Variants in NALF1 observed in about 807,000 individuals in gnomAD.
NALF1 encodes family with sequence similarity 155 member A.
A neutral mutation model predicts 48.4 loss-of-function variants in NALF1; 3 were observed. That is an observed-to-expected ratio of 0.06 (90% confidence interval 0.03 to 0.16). The LOEUF is 0.16. Ranked by LOEUF, NALF1 falls within the 10% of genes least tolerant of loss-of-function variation. The probability of loss-of-function intolerance (pLI) is 1.00; values close to 1 mark genes in which losing one functional copy is unlikely to be tolerated. For missense variants in NALF1, 526 were observed against 571.5 expected (o/e 0.92, Z 0.81); for synonymous variants, 262 against 245.7 (o/e 1.07, Z -0.62).
At chr13:107,302,164 C>T (rs888837763) in intron 1 of NALF1, among the ~76,000 whole-genome samples, 1 of 152,156 alleles carries the variant, frequency 6.6e-6, no homozygotes, top group Non-Finnish European at 1.5e-5. Context: ...AAGCTCAGCC[C>T]CTGCACCATG....
chr13:107,297,213 C>T (rs1350919946), intron 1 of NALF1, among the ~76,000 whole-genome samples: 1 of 152,014 alleles, frequency 6.6e-6, no homozygotes, highest in Non-Finnish European at 1.5e-5. Context: ...AAATGGTAGG[C>T]TCTGTGGGAA....
intron 1 of NALF1, among the ~76,000 whole-genome samples, chr13:107,485,169 G>A (rs555924645): frequency 1.3e-5 from 2 of 152,284 alleles, no homozygotes; most frequent in South Asian, 4.1e-4. Context: ...CAATGATGAA[G>A]GCTCCAGAGC....
intron 1 of NALF1, among the ~76,000 whole-genome samples, chr13:107,624,884 A>C (rs1480822645): frequency 1.3e-5 from 2 of 152,182 alleles, no homozygotes; most frequent in Admixed American, 6.6e-5. Context: ...AAAATCTTGG[A>C]GGAAAACACT....
chr13:107,607,987 C>T (rs1338470257), intron 1 of NALF1, among the ~76,000 whole-genome samples: 2 of 152,210 alleles, frequency 1.3e-5, no homozygotes, highest in African/African-American at 4.8e-5. Context: ...ACAAGCACCT[C>T]TATGTGAAAC....
At chr13:107,673,652 T>A (rs556184239) in intron 1 of NALF1, among the ~76,000 whole-genome samples, 1 of 152,134 alleles carries the variant, frequency 6.6e-6, no homozygotes, top group Non-Finnish European at 1.5e-5. Context: ...AGCAATAATA[T>A]CTAGTTTCAA....
At chr13:107,323,179 T>A (rs1182112967) in intron 1 of NALF1, among the ~76,000 whole-genome samples, 1 of 152,132 alleles carries the variant, frequency 6.6e-6, no homozygotes, top group East Asian at 1.9e-4. Context: ...TTCAAGTCTC[T>A]ATCTCCACAA....
At chr13:107,429,767 T>G (rs143293649) in intron 1 of NALF1, among the ~76,000 whole-genome samples, 1 of 152,172 alleles carries the variant, frequency 6.6e-6, no homozygotes, top group Non-Finnish European at 1.5e-5. Flanking sequence ...CTAAAGTGCC[T>G]GAGATTAATT....
chr13:107,210,547 C>T (rs751390065), intron 2 of NALF1, 37 bp downstream of exon 2: 18 of 1,456,396 alleles, frequency 1.2e-5, no homozygotes, highest in Admixed American at 1.7e-5. Flanking sequence ...GCAAAACCAC[C>T]GGAGACTGGT....
At chr13:107,639,624 C>T (rs1375688029) in intron 1 of NALF1, among the ~76,000 whole-genome samples, 1 of 88,148 alleles carries the variant, frequency 1.1e-5, no homozygotes, top group Non-Finnish European at 3.0e-5. Flanking sequence ...GGAATGTATG[C>T]TCTCCTTCTC....
At chr13:107,830,171 C>G (rs995159378) in intron 1 of NALF1, among the ~76,000 whole-genome samples, 1 of 152,190 alleles carries the variant, frequency 6.6e-6, no homozygotes, top group Non-Finnish European at 1.5e-5. Context: ...CAATCTAACT[C>G]GATGAATGAT....
chr13:107,753,055 G>A (rs1876984429), intron 1 of NALF1, among the ~76,000 whole-genome samples: 1 of 152,132 alleles, frequency 6.6e-6, no homozygotes, highest in Non-Finnish European at 1.5e-5. Context: ...TGAAAACCAG[G>A]GTTGTGAGTG....
chr13:107,376,291 C>T (rs182822362), intron 1 of NALF1, among the ~76,000 whole-genome samples: 1 of 152,244 alleles, frequency 6.6e-6, no homozygotes, highest in East Asian at 1.9e-4. Context: ...TTTTAAGGCA[C>T]TAAGTTTTGG....
chr13:107,350,572 AAAAC>A (rs1882855249), intron 1 of NALF1, among the ~76,000 whole-genome samples: 2 of 152,246 alleles, frequency 1.3e-5, no homozygotes, highest in South Asian at 4.1e-4. Flanking sequence ...GTGATAGAGA[AAAAC>A]AAATAGATGT....
chr13:107,571,208 T>A (rs1257606659), intron 1 of NALF1, among the ~76,000 whole-genome samples: 1 of 152,112 alleles, frequency 6.6e-6, no homozygotes, highest in African/African-American at 2.4e-5. Context: ...TTTTAATTCA[T>A]AATAACTCCT....
At chr13:107,235,912 A>C (rs778809540) in intron 1 of NALF1, among the ~76,000 whole-genome samples, 6 of 152,204 alleles carry the variant, frequency 3.9e-5, no homozygotes, top group Non-Finnish European at 7.3e-5. Flanking sequence ...TTCTACTATC[A>C]TCTCCCATGT....
chr13:107,195,352 C>T (rs1594064463), intron 2 of NALF1, among the ~76,000 whole-genome samples: 1 of 152,152 alleles, frequency 6.6e-6, no homozygotes. Flanking sequence ...AGTAATAATG[C>T]TAGTTACATT....
intron 1 of NALF1, among the ~76,000 whole-genome samples, chr13:107,467,260 G>A (rs1340327002): frequency 6.6e-6 from 1 of 151,494 alleles, no homozygotes; most frequent in Non-Finnish European, 1.5e-5. Context: ...TCTATTACAA[G>A]TAGAAATGAT....
At chr13:107,711,885 A>G (rs9587430) in intron 1 of NALF1, among the ~76,000 whole-genome samples, 3,669 of 152,308 alleles carry the variant, frequency 0.024, 148 homozygotes, top group African/African-American at 0.084. Context: ...AACATGCTTG[A>G]TAACAACAGA....
At chr13:107,320,141 T>A (rs1882225884) in intron 1 of NALF1, among the ~76,000 whole-genome samples, 1 of 152,110 alleles carries the variant, frequency 6.6e-6, no homozygotes. Flanking sequence ...GTATGACATA[T>A]ATACACTTCT....
Sources: gnomAD v4.1 joint callset for allele counts (sites outside exome capture counted in the v4.1 genomes callset) on GRCh38, gnomAD v4.1.1 for gene constraint, MANE v1.5 for transcripts, NCBI Gene and HGNC (gene_info 2026-07-23, HGNC 2026-07-21) for gene names.